Variants in CPQ observed in about 807,000 individuals in gnomAD.
CPQ encodes the protein carboxypeptidase Q, also known as Ser-Met dipeptidase.
A neutral mutation model predicts 45.7 loss-of-function variants in CPQ; 37 were observed. The ratio of observed to expected loss-of-function variants is 0.81; its 90% CI spans 0.62 to 1.07. The LOEUF is 1.07. Ranked by LOEUF, CPQ falls within the 50% of genes least tolerant of loss-of-function variation. The probability of loss-of-function intolerance (pLI) is 0.00; values close to 1 mark genes in which losing one functional copy is unlikely to be tolerated. For missense variants in CPQ, 537 were observed against 572.9 expected (o/e 0.94, Z 0.64); for synonymous variants, 186 against 205.8 (o/e 0.90, Z 0.82).
intron 2 of CPQ, among the ~76,000 whole-genome samples, chr8:96,807,684 T>C (rs1472291219): frequency 2.6e-5 from 4 of 152,226 alleles, no homozygotes; most frequent in Non-Finnish European, 5.9e-5. Flanking sequence ...TATCCTGCAA[T>C]ATCTGACCTT....
intron 3 of CPQ, among the ~76,000 whole-genome samples, chr8:96,838,916 A>G (rs1297100017): frequency 1.3e-5 from 2 of 152,112 alleles, no homozygotes; most frequent in Admixed American, 6.6e-5. Context: ...CAGATGCCCA[A>G]TATGCCAGAT....
At chr8:96,857,344 T>C (rs919899283) in intron 3 of CPQ, among the ~76,000 whole-genome samples, 1 of 152,148 alleles carries the variant, frequency 6.6e-6, no homozygotes, top group Non-Finnish European at 1.5e-5. Flanking sequence ...AACCCCCGCC[T>C]CCTCCTCTAC....
chr8:96,879,545 A>G (rs889007591), intron 3 of CPQ, among the ~76,000 whole-genome samples: 4 of 152,208 alleles, frequency 2.6e-5, no homozygotes, highest in Admixed American at 2.0e-4. Flanking sequence ...TCAATTTGCA[A>G]CTTTGAAGGA....
At position 96,738,407 on chromosome 8, in the gene CPQ, GT is replaced by G. The variant is rs961858057; in HGVS notation, c.-34-46448del. On this transcript the variant is annotated intron_variant, in intron 1 of 7. Coordinates refer to ENST00000220763, the MANE Select transcript of CPQ (RefSeq NM_016134.4). ...TATTAAGTGCATATATATGTAAATT[GT>G]TTTTTTTTCCAGGTAGTTATTCATT... Among the ~76,000 whole-genome samples, 232 of 145,970 alleles carry G rather than the reference GT, an allele frequency of 1.6e-3. 1 individual carries two copies. Among genetic ancestry groups the G allele is most frequent in the Non-Finnish European group, 1.0e-3 (66 of 65,384 alleles).
chr8:96,712,280 G>A (rs1005732726), intron 1 of CPQ, among the ~76,000 whole-genome samples: 1 of 152,150 alleles, frequency 6.6e-6, no homozygotes, highest in Non-Finnish European at 1.5e-5. Flanking sequence ...TAGGCGCATG[G>A]TGTAAGCTGT....
At chr8:96,936,810 A>G (rs1334854828) in intron 4 of CPQ, among the ~76,000 whole-genome samples, 1 of 152,136 alleles carries the variant, frequency 6.6e-6, no homozygotes, top group African/African-American at 2.4e-5. Context: ...TGGTGGAGAG[A>G]AGGTTCTCAG....
chr8:97,005,741 C>T (rs1277445081), intron 5 of CPQ, among the ~76,000 whole-genome samples: 2 of 152,000 alleles, frequency 1.3e-5, no homozygotes, highest in South Asian at 4.2e-4. Flanking sequence ...TACAAAGAAA[C>T]CTCATTTCTT....
chr8:96,769,539 C>CT lies in CPQ; in HGVS notation c.-34-15323dup, dbSNP rs547167370. Among the ~76,000 whole-genome samples the CT allele has an allele frequency of 3.8e-4, 58 of 151,586 alleles. 2 individuals are homozygous for CT. In the East Asian group the frequency reaches 8.7e-3, roughly 23 times the overall value. On this transcript the variant is annotated intron_variant, in intron 1 of 7. Transcript: ENST00000220763. ...AGCTAACAAAAGGACCAAGAGCTGTCTTACATCCTCTTTGGATTTCCGCAT... is the reference window on the plus strand; with the variant it reads ...AGCTAACAAAAGGACCAAGAGCTGTCTTTACATCCTCTTTGGATTTCCGCAT...
chr8:96,831,688 C>T (rs1787123217), intron 2 of CPQ, among the ~76,000 whole-genome samples: 1 of 152,104 alleles, frequency 6.6e-6, no homozygotes, highest in Admixed American at 6.5e-5. Flanking sequence ...ACAATGGCTA[C>T]TGAATACAGT....
chr8:97,049,668 A>T (rs1233285936), intron 6 of CPQ, among the ~76,000 whole-genome samples: 1 of 152,232 alleles, frequency 6.6e-6, no homozygotes, highest in African/African-American at 2.4e-5. Context: ...GATTAAAATT[A>T]ATACAAATTT....
At position 96,770,278 on chromosome 8, in the gene CPQ, C is replaced by G. The variant is rs116282553; in HGVS notation, c.-34-14586C>G. Reference sequence around the variant, plus strand: ...TCATCCAGAGCTCCTGGGATTCCCTCTAGGAAGGAATCATTATACCATTTG... The same window carrying G: ...TCATCCAGAGCTCCTGGGATTCCCTGTAGGAAGGAATCATTATACCATTTG... On this transcript the variant is annotated intron_variant, in intron 1 of 7. Coordinates refer to ENST00000220763, the MANE Select transcript of CPQ (RefSeq NM_016134.4). Among the ~76,000 whole-genome samples the G allele has an allele frequency of 2.9e-3, 447 of 152,196 alleles. 4 individuals carry two copies. The highest frequency in any genetic ancestry group is 0.01 in the African/African-American group (431 of 41,528).
chr8:96,999,609 ATGTACCACATTTT>A (rs1809235744), intron 5 of CPQ, among the ~76,000 whole-genome samples: 1 of 152,066 alleles, frequency 6.6e-6, no homozygotes, highest in Non-Finnish European at 1.5e-5. Context: ...CATGGTGGGT[ATGTACCACATTTT>A]CTTTATCGAG....
rs540961048 is a variant in CPQ at position 96,962,826 on chromosome 8, T to C, written c.850-3109T>C. On this transcript the variant is annotated intron_variant, in intron 4 of 7. Coordinates refer to ENST00000220763, the MANE Select transcript of CPQ (RefSeq NM_016134.4). ...AAATTGCTACTGAATTAGAAGTATC[T>C]TTTTGTCATTACCTAGTTTTAAATC... Among the ~76,000 whole-genome samples the C allele has an allele frequency of 1.5e-4, 23 of 152,328 alleles. No individual in the cohort carries two copies. The South Asian group carries it at 4.6e-3, about 30-fold the overall frequency.
At chr8:97,000,082 T>A (rs548167452) in intron 5 of CPQ, among the ~76,000 whole-genome samples, 1 of 152,142 alleles carries the variant, frequency 6.6e-6, no homozygotes, top group Admixed American at 6.6e-5. Context: ...CACTTTTTAA[T>A]AGGGTTGTTT....
intron 2 of CPQ, among the ~76,000 whole-genome samples, chr8:96,832,431 G>T (rs1407604735): frequency 1.3e-5 from 2 of 152,106 alleles, no homozygotes; most frequent in Non-Finnish European, 2.9e-5. Flanking sequence ...CAACTCCAGG[G>T]GTGCTTAATG....
At chr8:97,081,581 T>A (rs1371242422) in intron 7 of CPQ, among the ~76,000 whole-genome samples, 1 of 152,170 alleles carries the variant, frequency 6.6e-6, no homozygotes, top group Non-Finnish European at 1.5e-5. Context: ...TGGCACCTCT[T>A]ACCAAGAACC....
At chr8:96,681,703 C>T (rs978654310) in intron 1 of CPQ, among the ~76,000 whole-genome samples, 1 of 152,146 alleles carries the variant, frequency 6.6e-6, no homozygotes, top group African/African-American at 2.4e-5. Context: ...TAGCTTGCAC[C>T]ATGCACCTGG....
rs1363851556 is a variant in CPQ, at chr8:96,991,559, A to C, written c.961+25513A>C. On this transcript the variant is annotated intron_variant, in intron 5 of 7. Coordinates refer to ENST00000220763, the MANE Select transcript of CPQ (RefSeq NM_016134.4). ...AGACAGAACAAGAGTCTGTCATAAT[A>C]ATAATAATAATAATAATAATAATAA... is the stretch of plus-strand genomic sequence containing the variant. 4.5e-3 allele frequency among the ~76,000 whole-genome samples: 64 copies of C among 14,270 alleles called. 1 individual carries two copies. Among genetic ancestry groups the C allele is most frequent in the South Asian group, 0.011 (4 of 350 alleles). The allele number at this position is 14,270 out of a possible 152,430, so 9.4% of individuals were successfully genotyped here.
intron 4 of CPQ, among the ~76,000 whole-genome samples, chr8:96,920,077 G>T (rs1417873262): frequency 6.6e-6 from 1 of 152,134 alleles, no homozygotes. Flanking sequence ...CCTGGTATGT[G>T]GTAAGCTTTC....
Sources: allele counts gnomAD v4.1 joint callset (sites outside exome capture counted in the v4.1 genomes callset), GRCh38; gene constraint gnomAD v4.1.1; transcripts MANE v1.5; gene names NCBI Gene and HGNC (gene_info 2026-07-23, HGNC 2026-07-21).